Variants in CHKA observed in about 807,000 individuals in gnomAD.
CHKA encodes the protein choline kinase alpha.
CHKA carries 34 observed loss-of-function variants against 60.1 expected under a neutral mutation model. The observed-to-expected ratio is 0.57, with a 90% CI of 0.43 to 0.75. The LOEUF (loss-of-function observed/expected upper bound fraction) is 0.75. CHKA is among the 30% of genes least tolerant of loss of function. The pLI, the probability that CHKA is intolerant of heterozygous loss-of-function variation, is 0.00. For missense variants in CHKA, 563 were observed against 561.3 expected, an observed-to-expected ratio of 1.00 and a Z score of -0.03; for synonymous variants, 217 against 223.1, an observed-to-expected ratio of 0.97 and a Z score of 0.24.
At chr11:68,109,225 G>T (rs982147069) in intron 1 of CHKA, among the ~76,000 whole-genome samples, 5 of 151,694 alleles carry the variant, frequency 3.3e-5, no homozygotes, top group South Asian at 2.1e-4. Context: ...GAGTAGCTGG[G>T]ACTACAGGCG....
Position 68,053,768 on chromosome 11 carries a change from G to A in CHKA, c.*220C>T. The stretch of plus-strand genomic sequence containing the variant: ...TGTTGCACTATTGCACTATATTTCT[G>A]CTTCCCGATCTCGTTTCTGAGTCCT... On this transcript the variant is annotated 3_prime_UTR_variant, in exon 12 of 12. Coordinates refer to ENST00000265689, the MANE Select transcript of CHKA (RefSeq NM_001277.3). 1 of 500,924 alleles carries A rather than the reference G, an allele frequency of 2.0e-6. No homozygotes were observed. The highest frequency in any genetic ancestry group is 3.6e-6 in the Non-Finnish European group (1 of 279,578). 31.0% of individuals were successfully genotyped at this position (500,924 alleles called of 1,614,324 possible). A position where few individuals can be genotyped will look rare whatever the true frequency, so the allele number is the denominator to read the frequency against.
chr11:68,062,087 GACTGATGAA>G, intron 10 of CHKA, 53 bp from the exon 11 acceptor site: 1 of 1,207,962 alleles, frequency 8.3e-7, no homozygotes, highest in African/African-American at 1.5e-5. Flanking sequence ...TCAGTTACAG[GACTGATGAA>G]ATGATTTCAT....
In CHKA at chr11:68,072,873, T is replaced by C. The variant is rs190323845; in HGVS notation, c.630+1844A>G. On this transcript the variant is annotated intron_variant, in intron 4 of 11. Transcript: ENST00000265689. ...AGCTGGGTGTGCTGGTGTGCACCTGTACTCCCAGCTACCTGAAAGGCTAAG... is the reference window on the plus strand; with the variant it reads ...AGCTGGGTGTGCTGGTGTGCACCTGCACTCCCAGCTACCTGAAAGGCTAAG... 7.5e-4 allele frequency among the ~76,000 whole-genome samples: 114 copies of C among 152,220 alleles called. 2 individuals are homozygous for C. The East Asian group carries it at 0.02, about 26-fold the overall frequency.
intron 7 of CHKA, among the ~76,000 whole-genome samples, chr11:68,067,051 T>C (rs1856467203): frequency 6.6e-6 from 1 of 152,194 alleles, no homozygotes; most frequent in Admixed American, 6.5e-5. Context: ...ACAGGCAGCA[T>C]TCCTACAAGA....
At chr11:68,067,267 C>T (rs1856476054) in intron 7 of CHKA, among the ~76,000 whole-genome samples, 1 of 152,190 alleles carries the variant, frequency 6.6e-6, no homozygotes, top group African/African-American at 2.4e-5. Flanking sequence ...TGTCTAGGCT[C>T]TTCAGCATAC....
intron 1 of CHKA, among the ~76,000 whole-genome samples, chr11:68,102,099 CAAAAAAAAAA>C (rs199998491): frequency 1.1e-5 from 1 of 94,018 alleles, no homozygotes; most frequent in East Asian, 3.6e-4. Context: ...GACTCTGTCT[CAAAAAAAAAA>C]AAAGAAAAAA....
At chr11:68,107,226 T>C (rs540875591) in intron 1 of CHKA, among the ~76,000 whole-genome samples, 1 of 151,876 alleles carries the variant, frequency 6.6e-6, no homozygotes, top group South Asian at 2.1e-4. Context: ...CACTCCAACC[T>C]GGGTGACAGA....
intron 1 of CHKA, 95 bp from the exon 2 acceptor site, chr11:68,097,225 G>T: frequency 1.2e-6 from 1 of 830,358 alleles, no homozygotes; most frequent in Non-Finnish European, 1.9e-6. Flanking sequence ...GGTTACACAA[G>T]AACTGTTCTC....
intron 3 of CHKA, 55 bp downstream of exon 3, chr11:68,081,349 G>C (rs1688915096): frequency 6.9e-7 from 1 of 1,445,456 alleles, no homozygotes; most frequent in East Asian, 2.3e-5. Context: ...AGTAGCGAAG[G>C]GTGGCTAACA....
chr11:68,065,989 C>A, intron 8 of CHKA, 95 bp from the exon 9 acceptor site: 1 of 812,552 alleles, frequency 1.2e-6, no homozygotes, highest in Non-Finnish European at 2.0e-6. Flanking sequence ...GTTCCGAGCA[C>A]GCCACTCCTG....
chr11:68,084,119 T>C (rs1035840293), intron 2 of CHKA, among the ~76,000 whole-genome samples: 3 of 151,064 alleles, frequency 2.0e-5, no homozygotes, highest in Admixed American at 6.6e-5. Context: ...TAGTGGCGCA[T>C]GCCTGTAATC....
At chr11:68,100,150 C>A (rs1857655004) in intron 1 of CHKA, among the ~76,000 whole-genome samples, 1 of 152,252 alleles carries the variant, frequency 6.6e-6, no homozygotes, top group Admixed American at 6.5e-5. Context: ...GAAATGGTAG[C>A]AAAAATGTAA....
chr11:68,070,313 A>G lies in CHKA; in HGVS notation c.765-20T>C. 1.3e-6 allele frequency: 2 copies of G among 1,503,946 alleles called. No homozygotes were observed. The highest frequency in any genetic ancestry group is 9.3e-7 in the Non-Finnish European group (1 of 1,081,016). The allele number at this position is 1,503,946 out of a possible 1,614,324, so 93.2% of individuals were successfully genotyped here. ...AGATACCTATTAAAAAATTTTCAAAAAAGAACAGAACAAAGAATCACCGAT... is the reference window on the plus strand; with the variant it reads ...AGATACCTATTAAAAAATTTTCAAAGAAGAACAGAACAAAGAATCACCGAT... On this transcript the variant is annotated intron_variant, in intron 5 of 11. Coordinates refer to ENST00000265689, the MANE Select transcript of CHKA (RefSeq NM_001277.3).
chr11:68,069,078 A>T (rs1417031476), intron 6 of CHKA, 141 bp from the exon 7 acceptor site: 3 of 621,272 alleles, frequency 4.8e-6, no homozygotes, highest in Non-Finnish European at 8.7e-6. Flanking sequence ...GTGAATTCTG[A>T]CAACTGCGTC....
intron 1 of CHKA, among the ~76,000 whole-genome samples, chr11:68,107,939 C>T (rs1394899698): frequency 3.9e-5 from 6 of 152,110 alleles, no homozygotes; most frequent in South Asian, 4.1e-4. Context: ...ACGGAAATTA[C>T]GATCTCATTG....
intron 3 of CHKA, among the ~76,000 whole-genome samples, chr11:68,076,861 A>C (rs1259552586): frequency 6.6e-6 from 1 of 152,192 alleles, no homozygotes; most frequent in Admixed American, 6.5e-5. Context: ...AAACACACTT[A>C]TTCTTACGTA....
intron 2 of CHKA, among the ~76,000 whole-genome samples, chr11:68,091,671 G>C (rs1182269795): frequency 2.0e-5 from 3 of 152,124 alleles, no homozygotes; most frequent in Non-Finnish European, 1.5e-5. Flanking sequence ...TTAACCCTTA[G>C]AGAACTGTAC....
chr11:68,096,604 C>T (rs763811111), intron 2 of CHKA, among the ~76,000 whole-genome samples: 11 of 152,128 alleles, frequency 7.2e-5, no homozygotes, highest in Non-Finnish European at 1.3e-4. Context: ...TCGTTGAGAT[C>T]ATACTTTGTT....
intron 1 of CHKA, among the ~76,000 whole-genome samples, chr11:68,103,940 TAAATA>T (rs1186345106): frequency 1.3e-5 from 2 of 151,450 alleles, no homozygotes; most frequent in African/African-American, 2.4e-5. Context: ...ATAAATTAAT[TAAATA>T]AAATAAAAAA....
Sources: gnomAD v4.1 joint callset for allele counts (sites outside exome capture counted in the v4.1 genomes callset) on GRCh38, gnomAD v4.1.1 for gene constraint, MANE v1.5 for transcripts, NCBI Gene and HGNC (gene_info 2026-07-23, HGNC 2026-07-21) for gene names.